The following BCLAF3 variants were observed in gnomAD, a reference collection of about 807,000 sequenced individuals.
The protein encoded by BCLAF3 is transient octamer binding factor 1.
A neutral mutation model predicts 51.2 loss-of-function variants in BCLAF3; 24 were observed. That is an observed-to-expected ratio of 0.47 (90% confidence interval 0.34 to 0.66). The LOEUF is 0.66. BCLAF3 is among the 30% of genes least tolerant of loss of function. The pLI, the probability that BCLAF3 is intolerant of heterozygous loss-of-function variation, is 0.01. For missense variants in BCLAF3, 465 were observed against 525.1 expected (o/e 0.89, Z 1.12); for synonymous variants, 152 against 176.6 (o/e 0.86, Z 1.10).
At chrX:19,940,649 T>G (rs1468992850) in intron 8 of BCLAF3, among the ~76,000 whole-genome samples, 1 of 109,419 alleles carries the variant, frequency 9.1e-6, no homozygotes, top group Non-Finnish European at 1.9e-5. Flanking sequence ...ATGTGCCACA[T>G]TTTCTTAATC....
intron 1 of BCLAF3, among the ~76,000 whole-genome samples, chrX:19,981,420 G>A (rs2072607926): frequency 9.0e-6 from 1 of 111,559 alleles, no homozygotes; most frequent in Non-Finnish European, 1.9e-5. Context: ...GATAAATTGG[G>A]CATCATCAAA....
At chrX:19,985,539 T>C (rs187945659) in intron 1 of BCLAF3, among the ~76,000 whole-genome samples, 2 of 110,432 alleles carry the variant, frequency 1.8e-5, no homozygotes, top group African/African-American at 6.6e-5. Flanking sequence ...TGAGCTATGA[T>C]AGACCACTGC....
chrX:19,919,216 T>G (rs980839755), intron 11 of BCLAF3, among the ~76,000 whole-genome samples: 2 of 112,062 alleles, frequency 1.8e-5, no homozygotes, highest in Admixed American at 9.5e-5. Flanking sequence ...ATCTACCTCC[T>G]GTAAGAAGAG....
chrX:19,936,407 C>T (rs964170288), intron 9 of BCLAF3, among the ~76,000 whole-genome samples: 1 of 111,966 alleles, frequency 8.9e-6, no homozygotes, highest in Non-Finnish European at 1.9e-5. Flanking sequence ...AAGTCTGTAA[C>T]TATGAAGAAC....
chrX:19,931,971 A>G (rs2070577091), intron 10 of BCLAF3, among the ~76,000 whole-genome samples: 1 of 112,299 alleles, frequency 8.9e-6, no homozygotes, highest in African/African-American at 3.2e-5. Flanking sequence ...CATTTGCCTT[A>G]CCACTCAAGA....
intron 4 of BCLAF3, among the ~76,000 whole-genome samples, chrX:19,958,602 T>C (rs971779597): frequency 8.9e-6 from 1 of 112,237 alleles, no homozygotes; most frequent in Admixed American, 9.4e-5. Flanking sequence ...GAATAGTTAC[T>C]GATGTGTTAC....
Position 19,966,598 on chromosome X carries a change from T to C in BCLAF3, c.93A>G (p.Ser31=). ...TATATTCACAGCCATAATGCCCGTG[T>C]GAATGTCTTTGCTTGTAGTGTTCAG... ...RNAEHYKQRH[S]HGHYGCEYRK... The change falls in exon 3 of 12, where the codon TCA becomes TCG. Residue 31 remains serine, a synonymous_variant. Transcript: ENST00000379682. 8.3e-7 allele frequency: 1 copy of C among 1,211,247 alleles called. No homozygotes were observed.
intron 8 of BCLAF3, among the ~76,000 whole-genome samples, chrX:19,948,075 C>G (rs374876606): frequency 8.9e-6 from 1 of 112,210 alleles, no homozygotes; most frequent in East Asian, 2.8e-4. Flanking sequence ...TGTGGAGCAA[C>G]TGGACCCTTC....
chrX:19,941,135 A>C (rs1198890723), intron 8 of BCLAF3, among the ~76,000 whole-genome samples: 3 of 108,459 alleles, frequency 2.8e-5, no homozygotes, highest in African/African-American at 1.0e-4. Flanking sequence ...TTTTTCTTGT[A>C]AATTTGTTTG....
Position 19,965,539 on chromosome X carries a change from G to A in BCLAF3, c.779C>T (p.Thr260Ile), listed in dbSNP as rs747651503. 5.8e-6 allele frequency: 7 copies of A among 1,201,538 alleles called. No homozygotes were observed. In the African/African-American group the frequency reaches 1.1e-4, roughly 18 times the overall value. Reference sequence around the variant, plus strand: ...GTGTTCCCTCTCAGCATGTCGATAAGTTTGGGGCCCAAGGTTCCACTGGTC... The same window carrying A: ...GTGTTCCCTCTCAGCATGTCGATAAATTTGGGGCCCAAGGTTCCACTGGTC... The part of the protein sequence containing the change: ...DTDQWNLGPQ[T>I]YRHAEREHPE... Residue 260 changes from threonine (T) to isoleucine (I), a missense_variant, in exon 4 of 12, where the codon ACT becomes ATT. By Grantham distance (89) the Thr-to-Ile change is moderately conservative. Coordinates refer to ENST00000379682, the MANE Select transcript of BCLAF3 (RefSeq NM_001367774.2).
At chrX:19,952,376 A>C (rs1180359280) in intron 7 of BCLAF3, among the ~76,000 whole-genome samples, 4 of 109,430 alleles carry the variant, frequency 3.7e-5, no homozygotes, top group Non-Finnish European at 7.6e-5. Context: ...AACTTGATAT[A>C]ATTCTTCTAA....
intron 1 of BCLAF3, among the ~76,000 whole-genome samples, chrX:19,986,796 G>GTTTTTTTT (rs758844786): frequency 1.1e-5 from 1 of 91,205 alleles, no homozygotes; most frequent in Non-Finnish European, 2.2e-5. Flanking sequence ...ACTTGAGTCG[G>GTTTTTTTT]TTTTTTTTTT....
intron 11 of BCLAF3, among the ~76,000 whole-genome samples, chrX:19,920,536 G>A (rs1015248025): frequency 9.0e-6 from 1 of 111,346 alleles, no homozygotes; most frequent in African/African-American, 3.3e-5. Context: ...AAAGACTAAC[G>A]AGGCCAGGTG....
chrX:19,932,689 G>A (rs756658227), intron 10 of BCLAF3, among the ~76,000 whole-genome samples: 4 of 109,242 alleles, frequency 3.7e-5, no homozygotes, highest in Admixed American at 3.0e-4. Context: ...ATGCCATCAC[G>A]CCCAGCTAAT....
intron 4 of BCLAF3, among the ~76,000 whole-genome samples, chrX:19,959,137 T>G (rs890695558): frequency 2.7e-5 from 3 of 112,573 alleles, no homozygotes; most frequent in Non-Finnish European, 5.6e-5. Context: ...TTCATGTGTA[T>G]GTTTTTCTGC....
intron 10 of BCLAF3, 74 bp from the exon 11 acceptor site, chrX:19,930,014 T>C: frequency 9.8e-7 from 1 of 1,023,543 alleles, no homozygotes; most frequent in African/African-American, 1.9e-5. Context: ...AACAGATGAG[T>C]GGGTGGTTGG....
At chrX:19,949,075 C>A (rs1303964979) in intron 8 of BCLAF3, among the ~76,000 whole-genome samples, 2 of 111,527 alleles carry the variant, frequency 1.8e-5, no homozygotes, top group African/African-American at 6.5e-5. Context: ...CTATGCCTCA[C>A]CACCTATCCA....
At chrX:19,962,430 C>T (rs748789343) in intron 4 of BCLAF3, among the ~76,000 whole-genome samples, 6 of 112,041 alleles carry the variant, frequency 5.4e-5, no homozygotes, top group Non-Finnish European at 1.1e-4. Flanking sequence ...AATTAGCCTG[C>T]CCCGGCCTCC....
chrX:19,957,950 C>T (rs1246881099), intron 4 of BCLAF3, among the ~76,000 whole-genome samples: 6 of 111,618 alleles, frequency 5.4e-5, no homozygotes, highest in Non-Finnish European at 3.8e-5. Context: ...TTACTTTTTA[C>T]TATTTCCTGT....
Sources: gnomAD v4.1 joint callset for allele counts (sites outside exome capture counted in the v4.1 genomes callset) on GRCh38, gnomAD v4.1.1 for gene constraint, MANE v1.5 for transcripts, NCBI Gene and HGNC (gene_info 2026-07-23, HGNC 2026-07-21) for gene names.